The following SPMIP7 variants were observed in gnomAD, a reference collection of about 807,000 sequenced individuals.
SPMIP7 encodes the protein protein SPMIP7.
chr7:50,122,874 T>G, the SPMIP7 span, among the ~76,000 whole-genome samples: 2 of 152,090 alleles, frequency 1.3e-5, no homozygotes, highest in Non-Finnish European at 2.9e-5. Context: ...GAGATACCAT[T>G]TCACACTAGT....
At chr7:50,108,567 A>C in the SPMIP7 span, among the ~76,000 whole-genome samples, 1 of 152,170 alleles carries the variant, frequency 6.6e-6, no homozygotes, top group East Asian at 1.9e-4. Flanking sequence ...GAGAAGAATT[A>C]AACACAGGTT....
At chr7:50,123,874 C>T in the SPMIP7 span, among the ~76,000 whole-genome samples, 3 of 151,864 alleles carry the variant, frequency 2.0e-5, no homozygotes, top group Non-Finnish European at 1.5e-5. Flanking sequence ...ACACTTAATC[C>T]AAATATATCA....
At chr7:50,151,709 A>T in the SPMIP7 span, among the ~76,000 whole-genome samples, 1 of 152,212 alleles carries the variant, frequency 6.6e-6, no homozygotes, top group African/African-American at 2.4e-5. Flanking sequence ...AAAAAAAGAT[A>T]ATTTTCCATT....
chr7:50,145,608 A>ATG, the SPMIP7 span, among the ~76,000 whole-genome samples: 2,346 of 29,842 alleles, frequency 0.079, 418 homozygotes, highest in Non-Finnish European at 0.12. Context: ...GTGTGTGTGT[A>ATG]TATGTGTGTG....
the SPMIP7 span, among the ~76,000 whole-genome samples, chr7:50,123,161 C>T: frequency 6.4e-5 from 8 of 125,724 alleles, no homozygotes; most frequent in African/African-American, 2.6e-4. Context: ...AGACTTGGAA[C>T]CAACCCAAAT....
the SPMIP7 span, among the ~76,000 whole-genome samples, chr7:50,151,716 C>T: frequency 2.6e-5 from 4 of 152,126 alleles, no homozygotes; most frequent in African/African-American, 9.7e-5. Context: ...GATAATTTTC[C>T]ATTTTCCTAC....
chr7:50,118,835 C>G, the SPMIP7 span, among the ~76,000 whole-genome samples: 1 of 152,070 alleles, frequency 6.6e-6, no homozygotes, highest in African/African-American at 2.4e-5. Context: ...GTAATATTAC[C>G]TCGGCTTTAA....
chr7:50,136,106 T>C, the SPMIP7 span: 2 of 1,550,550 alleles, frequency 1.3e-6, no homozygotes, highest in Admixed American at 2.0e-5. Context: ...AGATGGTTGG[T>C]GAGCTCTGGG....
the SPMIP7 span, among the ~76,000 whole-genome samples, chr7:50,111,260 C>A: frequency 6.6e-6 from 1 of 151,846 alleles, no homozygotes. Flanking sequence ...AAGAAAAGAG[C>A]TCTCTGCACA....
At chr7:50,098,162 G>C in the SPMIP7 span, among the ~76,000 whole-genome samples, 1 of 152,216 alleles carries the variant, frequency 6.6e-6, no homozygotes, top group African/African-American at 2.4e-5. Flanking sequence ...ATGCTCTTCA[G>C]TGGACTTTCA....
chr7:50,116,926 T>A, the SPMIP7 span, among the ~76,000 whole-genome samples: 1 of 152,340 alleles, frequency 6.6e-6, no homozygotes, highest in East Asian at 1.9e-4. Flanking sequence ...ACCTGAGTGT[T>A]GAAGCAATTC....
chr7:50,117,402 A>G, the SPMIP7 span: 2 of 334,876 alleles, frequency 6.0e-6, no homozygotes, highest in Non-Finnish European at 1.2e-5. Flanking sequence ...CACGACCTTT[A>G]TTTGCAAGTC....
chr7:50,153,893 C>T, the SPMIP7 span, among the ~76,000 whole-genome samples: 1 of 152,178 alleles, frequency 6.6e-6, no homozygotes, highest in Non-Finnish European at 1.5e-5. Flanking sequence ...ATCCCACAAG[C>T]CCTGTGTGCC....
the SPMIP7 span, among the ~76,000 whole-genome samples, chr7:50,123,354 G>A: frequency 7.3e-6 from 1 of 137,662 alleles, no homozygotes; most frequent in Non-Finnish European, 1.5e-5. Context: ...ACTCATAGGT[G>A]GGAATTGAAC....
chr7:50,130,374 T>A, the SPMIP7 span, among the ~76,000 whole-genome samples: 1 of 152,030 alleles, frequency 6.6e-6, no homozygotes, highest in Non-Finnish European at 1.5e-5. Context: ...CAAGAGAGCC[T>A]GTGCAGGGCA....
chr7:50,156,572 C>T, the SPMIP7 span, among the ~76,000 whole-genome samples: 5 of 151,620 alleles, frequency 3.3e-5, no homozygotes, highest in Non-Finnish European at 5.9e-5. Flanking sequence ...CTGGTCTTGC[C>T]TCCTGCTTGC....
the SPMIP7 span, among the ~76,000 whole-genome samples, chr7:50,113,117 T>C: frequency 2.0e-5 from 3 of 152,094 alleles, no homozygotes; most frequent in Admixed American, 2.0e-4. Context: ...AAAGGGATAT[T>C]ACCTTTGTAG....
chr7:50,145,614 GTGTGTATATATA>G, the SPMIP7 span, among the ~76,000 whole-genome samples: 141 of 39,060 alleles, frequency 3.6e-3, 7 homozygotes, highest in African/African-American at 0.01. Flanking sequence ...GTGTATATGT[GTGTGTATATATA>G]TATATATATA....
At chr7:50,142,390 A>G in the SPMIP7 span, 2 of 152,166 alleles carry the variant, frequency 1.3e-5, no homozygotes, top group Non-Finnish European at 1.5e-5. Context: ...ACTTCAATAA[A>G]TTTGGGCATA....
Sources: gnomAD v4.1 joint callset for allele counts (sites outside exome capture counted in the v4.1 genomes callset) on GRCh38, gnomAD v4.1.1 for gene constraint, MANE v1.5 for transcripts, NCBI Gene and HGNC (gene_info 2026-07-23, HGNC 2026-07-21) for gene names.